Variants in ODAD1 observed in about 807,000 individuals in gnomAD.
The protein encoded by ODAD1 is outer dynein arm-docking complex subunit 1.
In ODAD1, 49 loss-of-function variants were observed where a neutral mutation model predicts 67.2. That is an observed-to-expected ratio of 0.73 (90% CI 0.58 to 0.92). The LOEUF (loss-of-function observed/expected upper bound fraction) is 0.92, where lower values mean the gene tolerates loss of function less well. ODAD1 is among the 40% of genes least tolerant of loss of function. The pLI is 0.00. For synonymous variants in ODAD1, 345 were observed against 393.7 expected (o/e 0.88, Z 1.46); for missense variants, 897 against 953.7 (o/e 0.94, Z 0.78).
In ODAD1 at chr19:48,313,448, C is replaced by CAAAAAAAAA. The variant is rs1291428185; in HGVS notation, c.361-1341_361-1333dup. ...TCTCAAAAAAAAAAAAAAAAAAAAC[C>CAAAAAAAAA]AAAAAAAAACCTCACATGTTGAAGT... is the stretch of plus-strand genomic sequence containing the variant. On this transcript the variant is annotated intron_variant, in intron 5 of 15. Coordinates refer to ENST00000674294, the MANE Select transcript of ODAD1 (RefSeq NM_001364171.2). Among the ~76,000 whole-genome samples, 71 of 86,920 alleles carry CAAAAAAAAA rather than the reference C, an allele frequency of 8.2e-4. 9 individuals carry two copies. Among genetic ancestry groups the CAAAAAAAAA allele is most frequent in the South Asian group, 1.4e-3 (4 of 2,838 alleles). 57.0% of individuals were successfully genotyped at this position (86,920 alleles called of 152,430 possible).
intron 7 of ODAD1, among the ~76,000 whole-genome samples, chr19:48,310,555 A>C (rs1407772768): frequency 6.6e-6 from 1 of 152,214 alleles, no homozygotes; most frequent in Non-Finnish European, 1.5e-5. Context: ...TGTTCTTAGG[A>C]AATGCTCTCT....
intron 8 of ODAD1, among the ~76,000 whole-genome samples, chr19:48,305,626 G>A (rs1473542067): frequency 9.9e-5 from 15 of 152,004 alleles, no homozygotes; most frequent in Admixed American, 5.9e-4. Context: ...GGCTGGTCTC[G>A]AACTCCTGAG....
At chr19:48,298,426 T>C (rs1968367973) in intron 12 of ODAD1, 86 bp from the exon 13 acceptor site, 2 of 1,388,592 alleles carry the variant, frequency 1.4e-6, no homozygotes, top group African/African-American at 1.4e-5. Context: ...CACTGCCCCA[T>C]TCTACAGAGA....
At chr19:48,311,749 T>A (rs1968770957) in intron 6 of ODAD1, 83 bp from the exon 7 acceptor site, 1 of 909,182 alleles carries the variant, frequency 1.1e-6, no homozygotes, top group Non-Finnish European at 1.8e-6. Context: ...GAGGAGACAC[T>A]TATCAGAGGT....
At chr19:48,298,123 A>G (rs773122864) in intron 13 of ODAD1, 26 bp from the exon 14 acceptor site, 41 of 1,611,444 alleles carry the variant, frequency 2.5e-5, no homozygotes, top group Non-Finnish European at 3.5e-5. Flanking sequence ...GCCTGCGGTC[A>G]GCTGGGCCAC....
At chr19:48,311,827 T>C (rs2147327824) in intron 6 of ODAD1, among the ~76,000 whole-genome samples, 161 bp from the exon 7 acceptor site, 1 of 152,232 alleles carries the variant, frequency 6.6e-6, no homozygotes, top group Admixed American at 6.5e-5. Context: ...CACTCCCCTC[T>C]AAGGACCCAT....
intron 7 of ODAD1, among the ~76,000 whole-genome samples, 196 bp downstream of exon 7, chr19:48,311,357 T>C (rs562727981): frequency 3.0e-4 from 46 of 152,260 alleles, no homozygotes; most frequent in African/African-American, 9.6e-4. Flanking sequence ...TCTACAACTA[T>C]AAATGAGGCC....
chr19:48,311,968 C>G, intron 6 of ODAD1, 26 bp downstream of exon 6: 1 of 1,547,674 alleles, frequency 6.5e-7, no homozygotes, highest in Non-Finnish European at 8.7e-7. Flanking sequence ...CAATTCAGGT[C>G]GAGGGACCAG....
At position 48,303,963 on chromosome 19, in the gene ODAD1, AC is replaced by A; in HGVS notation, c.842del (p.Arg281LeufsTer28). 1 of 1,613,864 alleles carries A rather than the reference AC, an allele frequency of 6.2e-7. No individual in the cohort carries two copies. The highest frequency in any genetic ancestry group is 8.5e-7 in the Non-Finnish European group (1 of 1,179,776). The stretch of plus-strand genomic sequence containing the variant: ...CAGCCCCAGCCTCACCCTGCTTTTC[AC>A]GCTTCTCCAGGACATCGGGATCCGG... ...RQPDPDVLEK[R>X]EKQAGEVAEG... On this transcript the variant is annotated frameshift_variant, in exon 9 of 16. Coordinates refer to ENST00000674294, the MANE Select transcript of ODAD1 (RefSeq NM_001364171.2). LOFTEE classifies it high-confidence loss of function.
chr19:48,305,430 A>G (rs1968581817), intron 8 of ODAD1, among the ~76,000 whole-genome samples: 1 of 146,506 alleles, frequency 6.8e-6, no homozygotes, highest in Non-Finnish European at 1.5e-5. Context: ...CCTGAGACGG[A>G]GTCTCACTCT....
intron 7 of ODAD1, 58 bp downstream of exon 7, chr19:48,311,495 G>C: frequency 1.0e-6 from 1 of 968,802 alleles, no homozygotes; most frequent in Non-Finnish European, 1.6e-6. Flanking sequence ...GCAAACAGCT[G>C]TGGGGAGGAC....
At chr19:48,320,179 G>T in intron 3 of ODAD1, 120 bp downstream of exon 3, 3 of 882,678 alleles carry the variant, frequency 3.4e-6, no homozygotes, top group Non-Finnish European at 4.5e-6. Flanking sequence ...GCGCATGTCT[G>T]TTCCCACCAG....
Position 48,320,281 on chromosome 19 carries a change from A to G in ODAD1, c.70+18T>C. On this transcript the variant is annotated intron_variant, in intron 3 of 15. Coordinates refer to ENST00000674294, the MANE Select transcript of ODAD1 (RefSeq NM_001364171.2). The stretch of plus-strand genomic sequence containing the variant: ...CTGGAAAAGAATGGGTGAATGATAT[A>G]AAGAATGAATGAATTACCCATTCCC... The G allele has an allele frequency of 8.0e-7, 1 of 1,254,326 alleles. No homozygotes were observed. Among genetic ancestry groups the G allele is most frequent in the Non-Finnish European group, 1.0e-6 (1 of 957,610 alleles). The allele number at this position is 1,254,326 out of a possible 1,614,324, so 77.7% of individuals were successfully genotyped here. A position where few individuals can be genotyped will look rare whatever the true frequency, so the allele number is the denominator to read the frequency against.
chr19:48,299,709 G>A (rs770837019), intron 12 of ODAD1, among the ~76,000 whole-genome samples: 36 of 152,152 alleles, frequency 2.4e-4, no homozygotes, highest in Non-Finnish European at 3.8e-4. Context: ...GGCTGAGGCA[G>A]GAGAATCGCT....
At chr19:48,302,052 G>T (rs537534559) in intron 12 of ODAD1, among the ~76,000 whole-genome samples, 2 of 151,736 alleles carry the variant, frequency 1.3e-5, no homozygotes, top group Non-Finnish European at 1.5e-5. Context: ...ATACAGGACA[G>T]TTGGAGGAAT....
At chr19:48,306,522 C>A (rs1968611813) in intron 7 of ODAD1, among the ~76,000 whole-genome samples, 199 bp from the exon 8 acceptor site, 1 of 152,114 alleles carries the variant, frequency 6.6e-6, no homozygotes. Context: ...TCAAAAGGCT[C>A]TTTCTGTAGA....
rs1291428185 is a variant in ODAD1, at chr19:48,313,448, C to CAAAAAAAAAAAA, written c.361-1333_361-1332insTTTTTTTTTTTT. Among the ~76,000 whole-genome samples the CAAAAAAAAAAAA allele has an allele frequency of 1.2e-4, 10 of 86,936 alleles. 1 individual carries two copies. The highest frequency in any genetic ancestry group is 1.7e-4 in the Non-Finnish European group (7 of 42,424). The allele number at this position is 86,936 out of a possible 152,430, so 57.0% of individuals were successfully genotyped here. A position where few individuals can be genotyped will look rare whatever the true frequency, so the allele number is the denominator to read the frequency against. On this transcript the variant is annotated intron_variant, in intron 5 of 15. Coordinates refer to ENST00000674294, the MANE Select transcript of ODAD1 (RefSeq NM_001364171.2). ...TCTCAAAAAAAAAAAAAAAAAAAAC[C>CAAAAAAAAAAAA]AAAAAAAAACCTCACATGTTGAAGT...
At chr19:48,303,181 A>G in intron 10 of ODAD1, 86 bp from the exon 11 acceptor site, 1 of 1,039,148 alleles carries the variant, frequency 9.6e-7, no homozygotes, top group Non-Finnish European at 1.5e-6. Context: ...GGCATACAGA[A>G]GGCCAAAGAA....
In ODAD1 at chr19:48,297,467, C is replaced by A. The variant is rs1968327385; in HGVS notation, c.1633G>T (p.Ala545Ser). ...EAQRQKDLAA[A>S]AAKLDGTLSV... ...AGGGTGCCGTCCAGCTTCGCGGCGGCGGCGGCCAGGTCCTTCTGGCGCTGC... is the reference window on the plus strand; with the variant it reads ...AGGGTGCCGTCCAGCTTCGCGGCGGAGGCGGCCAGGTCCTTCTGGCGCTGC... Residue 545 changes from alanine to serine, a missense_variant, in exon 16 of 16, where the codon GCC becomes TCC. Transcript: ENST00000674294. 6.2e-7 allele frequency: 1 copy of A among 1,600,502 alleles called. No individual in the cohort carries two copies. Among genetic ancestry groups the A allele is most frequent in the Non-Finnish European group, 8.5e-7 (1 of 1,176,838 alleles).
Sources: allele counts gnomAD v4.1 joint callset (sites outside exome capture counted in the v4.1 genomes callset), GRCh38; gene constraint gnomAD v4.1.1; transcripts MANE v1.5; gene names NCBI Gene and HGNC (gene_info 2026-07-23, HGNC 2026-07-21).